The following ZNF774 variants were observed in gnomAD, a reference collection of about 807,000 sequenced individuals.
ZNF774 encodes zinc finger protein 774.
ZNF774 carries 14 observed loss-of-function variants against 11.1 expected under a neutral mutation model. The ratio of observed to expected loss-of-function variants is 1.26; its 90% CI spans 0.83 to 1.97. The LOEUF is 1.97. ZNF774 is among the 30% of genes most tolerant of loss of function. ZNF774 has a pLI of 0.00. For missense variants in ZNF774, 599 were observed against 587.0 expected (o/e 1.02, Z -0.21); for synonymous variants, 195 against 212.6 (o/e 0.92, Z 0.72).
In ZNF774 at chr15:90,360,649, G is replaced by T; in HGVS notation, c.818G>T (p.Ser273Ile). The T allele has an allele frequency of 1.9e-6, 3 of 1,614,210 alleles. No individual in the cohort carries two copies. Among genetic ancestry groups the T allele is most frequent in the Non-Finnish European group, 2.5e-6 (3 of 1,180,040 alleles). The change falls in exon 4 of 4, where the codon AGT (serine) becomes ATT (isoleucine). Residue 273 changes from serine (S) to isoleucine (I), a missense_variant. Ser to Ile is a moderately radical substitution (Grantham distance 142). Transcript: ENST00000354377. Reference sequence around the variant, plus strand: ...TGCCTGGAATGTCACAAAAGCTTCAGTCGAAGCTCAAATTTCATCACTCAC... The same window carrying T: ...TGCCTGGAATGTCACAAAAGCTTCATTCGAAGCTCAAATTTCATCACTCAC... ...YACLECHKSF[S>I]RSSNFITHQR...
At chr15:90,356,014 C>T (rs1471198266) in intron 2 of ZNF774, among the ~76,000 whole-genome samples, 2 of 128,622 alleles carry the variant, frequency 1.6e-5, no homozygotes, top group Non-Finnish European at 3.1e-5. Flanking sequence ...GGCGACAGAG[C>T]AAGACTCCAT....
chr15:90,362,525 T>A lies in ZNF774; in HGVS notation c.*1242T>A, dbSNP rs776812944. ...TTGGCCATTTAGTTTTAGGTTAATA[T>A]AATTCTCTGATCCTTTTAGGGCCAT... is the stretch of plus-strand genomic sequence containing the variant. On this transcript the variant is annotated 3_prime_UTR_variant, in exon 4 of 4. Coordinates refer to ENST00000354377, the MANE Select transcript of ZNF774 (RefSeq NM_001004309.3). 4 of 1,535,506 alleles carry A rather than the reference T, an allele frequency of 2.6e-6. No homozygotes were observed. The South Asian group carries it at 4.8e-5, about 18-fold the overall frequency.
chr15:90,360,177 G>GA lies in ZNF774; in HGVS notation c.348dup (p.Leu117IlefsTer45), dbSNP rs753434753. On this transcript the variant is annotated frameshift_variant, in exon 4 of 4. Coordinates refer to ENST00000354377, the MANE Select transcript of ZNF774 (RefSeq NM_001004309.3). LOFTEE classifies it low-confidence loss of function (END_TRUNC). ...GGGAGGAAACTGGGAGCAAGGCCTAGAATTAGAAGGGCAACATGGAACCCT... is the reference window on the plus strand; with the variant it reads ...GGGAGGAAACTGGGAGCAAGGCCTAGAAATTAGAAGGGCAACATGGAACCCT... The GA allele has an allele frequency of 6.2e-7, 1 of 1,614,214 alleles. No homozygotes were observed. Among genetic ancestry groups the GA allele is most frequent in the South Asian group, 1.1e-5 (1 of 91,086 alleles).
intron 2 of ZNF774, 54 bp downstream of exon 2, chr15:90,354,818 G>A (rs1172032623): frequency 1.7e-5 from 24 of 1,412,006 alleles, no homozygotes; most frequent in Middle Eastern, 1.9e-4. Context: ...TTTTTGAGAC[G>A]GGGTCTCGCT....
intron 1 of ZNF774, among the ~76,000 whole-genome samples, chr15:90,353,874 C>A (rs571868881): frequency 6.6e-6 from 1 of 152,200 alleles, no homozygotes; most frequent in East Asian, 1.9e-4. Context: ...ACTCCTATGC[C>A]TGGCAACATA....
At chr15:90,354,448 A>G (rs537776066) in intron 1 of ZNF774, among the ~76,000 whole-genome samples, 194 bp from the exon 2 acceptor site, 1 of 152,356 alleles carries the variant, frequency 6.6e-6, no homozygotes, top group Admixed American at 6.5e-5. Context: ...GTAATGGGAA[A>G]GTTGGCCAGG....
At chr15:90,353,775 C>A (rs748362084) in intron 1 of ZNF774, among the ~76,000 whole-genome samples, 3 of 151,812 alleles carry the variant, frequency 2.0e-5, no homozygotes, top group Non-Finnish European at 4.4e-5. Flanking sequence ...TTTAAAAGTT[C>A]TTTGTAGAGA....
chr15:90,360,164 G>A lies in ZNF774; in HGVS notation c.333G>A (p.Trp111Ter). 1 of 1,614,148 alleles carries A rather than the reference G, an allele frequency of 6.2e-7. No individual in the cohort carries two copies. Among genetic ancestry groups the A allele is most frequent in the Non-Finnish European group, 8.5e-7 (1 of 1,180,026 alleles). Residue 111 changes from tryptophan to a stop codon, truncating the protein, a stop_gained, in exon 4 of 4, where the codon TGG becomes TGA. Coordinates refer to ENST00000354377, the MANE Select transcript of ZNF774 (RefSeq NM_001004309.3). LOFTEE classifies it low-confidence loss of function (END_TRUNC). ...LSHTLSWGGN[W>*]EQGLELEGQH... ...ATACTCTTAGTTGGGGAGGAAACTGGGAGCAAGGCCTAGAATTAGAAGGGC... is the reference window on the plus strand; with the variant it reads ...ATACTCTTAGTTGGGGAGGAAACTGAGAGCAAGGCCTAGAATTAGAAGGGC...
chr15:90,358,683 C>A (rs867714385), intron 2 of ZNF774, among the ~76,000 whole-genome samples, 168 bp from the exon 3 acceptor site: 3 of 151,990 alleles, frequency 2.0e-5, no homozygotes, highest in Non-Finnish European at 4.4e-5. Context: ...TTGGGGAAAT[C>A]ACCGTGTTTT....
chr15:90,355,648 G>T (rs1481790293), intron 2 of ZNF774, among the ~76,000 whole-genome samples: 1 of 150,904 alleles, frequency 6.6e-6, no homozygotes, highest in Non-Finnish European at 1.5e-5. Flanking sequence ...GCTTGAACCT[G>T]GGAGGTGGAG....
In ZNF774 at chr15:90,358,733, T is replaced by C. The variant is rs145046562; in HGVS notation, c.105-118T>C. On this transcript the variant is annotated intron_variant, in intron 2 of 3. Coordinates refer to ENST00000354377, the MANE Select transcript of ZNF774 (RefSeq NM_001004309.3). Reference sequence around the variant, plus strand: ...GCTGCACTTTTTTAATGACACCAAATACACGTTAGAGCTCCCCAGGTGTTC... The same window carrying C: ...GCTGCACTTTTTTAATGACACCAAACACACGTTAGAGCTCCCCAGGTGTTC... 1,633 of 641,732 alleles carry C rather than the reference T, an allele frequency of 2.5e-3. 3 individuals are homozygous for C. The highest frequency in any genetic ancestry group is 3.6e-3 in the Non-Finnish European group (1,332 of 371,426). 39.8% of individuals were successfully genotyped at this position (641,732 alleles called of 1,614,324 possible).
rs1304585267 is a variant in ZNF774 at position 90,360,915 on chromosome 15, T to G, written c.1084T>G (p.Leu362Val). ...CHKSFSQSSH[L>V]VTHQRTHTGE... ...CAAAAGCTTCAGTCAGAGCTCACAT[T>G]TGGTCACGCACCAAAGAACACACAC... The change falls in exon 4 of 4, where the codon TTG (leucine) becomes GTG (valine). Residue 362 changes from leucine to valine, a missense_variant. Leu to Val is a conservative substitution (Grantham distance 32). Transcript: ENST00000354377. The G allele has an allele frequency of 6.2e-7, 1 of 1,613,668 alleles. No homozygotes were observed. Among genetic ancestry groups the G allele is most frequent in the Admixed American group, 1.7e-5 (1 of 60,010 alleles).
intron 1 of ZNF774, among the ~76,000 whole-genome samples, chr15:90,354,022 T>C (rs1269878881): frequency 2.2e-5 from 3 of 139,210 alleles, no homozygotes; most frequent in Non-Finnish European, 4.6e-5. Context: ...TTGTGTTTTG[T>C]GCTTATTCCC....
chr15:90,357,429 G>A (rs1471161308), intron 2 of ZNF774, among the ~76,000 whole-genome samples: 4 of 152,204 alleles, frequency 2.6e-5, no homozygotes, highest in African/African-American at 7.2e-5. Context: ...GCTTGAGCCA[G>A]GAGCTCGAGG....
chr15:90,359,979 C>A, intron 3 of ZNF774, 64 bp from the exon 4 acceptor site: 1 of 1,501,890 alleles, frequency 6.7e-7, no homozygotes, highest in Non-Finnish European at 8.9e-7. Flanking sequence ...TTTGTCACTG[C>A]TTTCTGATAT....
At position 90,358,894 on chromosome 15, in the gene ZNF774, G is replaced by T; in HGVS notation, c.148G>T (p.Glu50Ter). The T allele has an allele frequency of 6.2e-7, 1 of 1,613,468 alleles. No homozygotes were observed. Residue 50 changes from glutamate to a stop codon, truncating the protein, a stop_gained, in exon 3 of 4, where the codon GAG becomes TAG. Coordinates refer to ENST00000354377, the MANE Select transcript of ZNF774 (RefSeq NM_001004309.3). LOFTEE classifies it high-confidence loss of function. ...SVISQPEQKEEPWVLPLQNFE... is the reference protein window; with the variant it reads ...SVISQPEQKE ...AATCTCCCAGCCGGAGCAGAAAGAA[G>T]AGCCATGGGTCCTACCACTCCAAAA... is the stretch of plus-strand genomic sequence containing the variant.
rs1039555196 is a variant in ZNF774 at position 90,359,030 on chromosome 15, C to T, written c.211+73C>T. The T allele has an allele frequency of 1.3e-5, 14 of 1,108,988 alleles. No homozygotes were observed. The African/African-American group carries it at 1.5e-4, about 11-fold the overall frequency. 68.7% of individuals were successfully genotyped at this position (1,108,988 alleles called of 1,614,324 possible). ...TTGTTTAGATGAAGAATTTGGAATGCTGCCTTAGAATTTTGTTCTTACTAG... is the reference window on the plus strand; with the variant it reads ...TTGTTTAGATGAAGAATTTGGAATGTTGCCTTAGAATTTTGTTCTTACTAG... On this transcript the variant is annotated intron_variant, in intron 3 of 3. Coordinates refer to ENST00000354377, the MANE Select transcript of ZNF774 (RefSeq NM_001004309.3).
intron 2 of ZNF774, among the ~76,000 whole-genome samples, chr15:90,357,362 G>C (rs1964262656): frequency 6.6e-6 from 1 of 151,936 alleles, no homozygotes; most frequent in Non-Finnish European, 1.5e-5. Context: ...ACATTAACCA[G>C]GTGTAGGGGC....
intron 2 of ZNF774, 113 bp downstream of exon 2, chr15:90,354,877 C>A: frequency 1.2e-6 from 1 of 859,448 alleles, no homozygotes. Context: ...TCACTGCAAT[C>A]TGTGCCTCCT....
Sources: gnomAD v4.1 joint callset for allele counts (sites outside exome capture counted in the v4.1 genomes callset) on GRCh38, gnomAD v4.1.1 for gene constraint, MANE v1.5 for transcripts, NCBI Gene and HGNC (gene_info 2026-07-23, HGNC 2026-07-21) for gene names.